Variants in PARD3B observed in about 807,000 individuals in gnomAD.
PARD3B encodes the protein partitioning defective 3 homolog B.
In PARD3B, 103 loss-of-function variants were observed where a neutral mutation model predicts 130.2. The ratio of observed to expected loss-of-function variants is 0.79; its 90% CI spans 0.67 to 0.93. PARD3B has a LOEUF of 0.93. Among genes scored for constraint, PARD3B ranks in the 40% least tolerant of loss-of-function variants. The pLI, the probability that PARD3B is intolerant of heterozygous loss-of-function variation, is 0.00. For missense variants in PARD3B, 1,609 were observed against 1,499.2 expected, an observed-to-expected ratio of 1.07 and a Z score of -1.21; for synonymous variants, 583 against 553.2, an observed-to-expected ratio of 1.05 and a Z score of -0.76.
At chr2:204,859,169 T>C (rs1239774313) in intron 2 of PARD3B, among the ~76,000 whole-genome samples, 1 of 152,130 alleles carries the variant, frequency 6.6e-6, no homozygotes, top group Non-Finnish European at 1.5e-5. Flanking sequence ...TTTTTCTTTT[T>C]CTTGAAGTGA....
chr2:205,181,296 T>C (rs1378108781), intron 13 of PARD3B, among the ~76,000 whole-genome samples: 1 of 152,228 alleles, frequency 6.6e-6, no homozygotes, highest in Non-Finnish European at 1.5e-5. Flanking sequence ...CTCTATAGCA[T>C]GTAAAGCACT....
intron 1 of PARD3B, among the ~76,000 whole-genome samples, chr2:204,574,465 C>A (rs1282972515): frequency 2.6e-5 from 4 of 152,132 alleles, no homozygotes; most frequent in Non-Finnish European, 5.9e-5. Context: ...TACTTAACAT[C>A]TGTGAGAGGT....
At chr2:205,165,985 T>C (rs1003233816) in intron 11 of PARD3B, among the ~76,000 whole-genome samples, 1 of 152,118 alleles carries the variant, frequency 6.6e-6, no homozygotes, top group African/African-American at 2.4e-5. Context: ...CCCTGGCATA[T>C]TCAAGACAGC....
intron 18 of PARD3B, among the ~76,000 whole-genome samples, chr2:205,322,519 C>T (rs2042785592): frequency 6.6e-6 from 1 of 152,144 alleles, no homozygotes. Flanking sequence ...CAGTAGTATC[C>T]ATGTGTGTTC....
At chr2:205,499,861 C>T (rs1220381883) in intron 20 of PARD3B, 35 bp from the exon 21 acceptor site, 1 of 1,590,944 alleles carries the variant, frequency 6.3e-7, no homozygotes, top group Non-Finnish European at 8.6e-7. Flanking sequence ...ATGATGTACA[C>T]TGTGTGAATC....
At chr2:205,073,855 C>T (rs1281646036) in intron 4 of PARD3B, among the ~76,000 whole-genome samples, 1 of 152,030 alleles carries the variant, frequency 6.6e-6, no homozygotes, top group African/African-American at 2.4e-5. Context: ...AACAATGATC[C>T]CCAGTGTTTT....
chr2:204,613,987 T>C (rs1373454035), intron 1 of PARD3B, among the ~76,000 whole-genome samples: 1 of 152,146 alleles, frequency 6.6e-6, no homozygotes, highest in East Asian at 1.9e-4. Context: ...GTGGTGGTTT[T>C]CCCTGTGAGG....
chr2:205,226,349 T>C (rs2125884226), intron 15 of PARD3B, among the ~76,000 whole-genome samples: 1 of 152,328 alleles, frequency 6.6e-6, no homozygotes, highest in African/African-American at 2.4e-5. Flanking sequence ...CAAAAAAGCT[T>C]TTTAATTTGA....
chr2:205,444,279 G>C (rs79842583), intron 20 of PARD3B, among the ~76,000 whole-genome samples: 2 of 152,044 alleles, frequency 1.3e-5, no homozygotes, highest in African/African-American at 4.8e-5. Flanking sequence ...CACCATACCC[G>C]GCCTCTACAA....
intron 22 of PARD3B, among the ~76,000 whole-genome samples, chr2:205,604,307 A>G (rs535368276): frequency 6.6e-6 from 1 of 152,312 alleles, no homozygotes; most frequent in South Asian, 2.1e-4. Context: ...GGGAAGCCTC[A>G]CAATCGTGGT....
At chr2:205,313,964 A>G (rs1362565017) in intron 18 of PARD3B, among the ~76,000 whole-genome samples, 2 of 152,230 alleles carry the variant, frequency 1.3e-5, no homozygotes, top group East Asian at 3.8e-4. Context: ...TTGCATACTC[A>G]TATTAAATAA....
chr2:204,657,061 T>A lies in PARD3B; in HGVS notation c.121-29120T>A, dbSNP rs139756407. Among the ~76,000 whole-genome samples, 433 of 152,304 alleles carry A rather than the reference T, an allele frequency of 2.8e-3. 10 individuals are homozygous for A. The highest frequency in any genetic ancestry group is 6.3e-4 in the Non-Finnish European group (43 of 68,024). ...TGGGGACCTGGGTCAAGTGATTGTA[T>A]TAGACTTTGAAGAGTTCTAGGCCAT... On this transcript the variant is annotated intron_variant, in intron 1 of 22. Coordinates refer to ENST00000406610, the MANE Select transcript of PARD3B (RefSeq NM_001302769.2).
intron 2 of PARD3B, among the ~76,000 whole-genome samples, chr2:204,876,444 G>A (rs901807748): frequency 3.9e-5 from 6 of 152,118 alleles, no homozygotes; most frequent in African/African-American, 7.2e-5. Flanking sequence ...CAAAACTGTC[G>A]TTGGATTGAG....
At chr2:205,298,607 A>C (rs1013891611) in intron 16 of PARD3B, among the ~76,000 whole-genome samples, 6 of 152,278 alleles carry the variant, frequency 3.9e-5, no homozygotes, top group African/African-American at 1.4e-4. Context: ...AGGGTTTATA[A>C]AATCTAGTGT....
intron 1 of PARD3B, among the ~76,000 whole-genome samples, chr2:204,630,890 A>C (rs2034655491): frequency 6.6e-6 from 1 of 151,784 alleles, no homozygotes; most frequent in South Asian, 2.1e-4. Flanking sequence ...CTATTTTATT[A>C]ATTTTTTCAA....
Position 205,309,128 on chromosome 2 carries a change from G to C in PARD3B, c.2630+7427G>C, listed in dbSNP as rs144373809. ...TATTTTTAAACCAACTCCACATAGA[G>C]CTATAACAAAAAACTAACCCAAACT... On this transcript the variant is annotated intron_variant, in intron 18 of 22. Transcript: ENST00000406610. The surrounding 1 kb of genome is among the most constrained non-coding windows in gnomAD (Gnocchi z 4.7). 6.6e-6 allele frequency among the ~76,000 whole-genome samples: 1 copy of C among 152,136 alleles called. No individual in the cohort carries two copies. The highest frequency in any genetic ancestry group is 1.9e-4 in the East Asian group (1 of 5,190).
intron 2 of PARD3B, among the ~76,000 whole-genome samples, chr2:204,859,955 G>A (rs1198740599): frequency 6.6e-6 from 1 of 152,132 alleles, no homozygotes; most frequent in South Asian, 2.1e-4. Context: ...ATGAAGAATA[G>A]TGCAGTGCAG....
intron 3 of PARD3B, among the ~76,000 whole-genome samples, chr2:204,972,217 C>T (rs1398731403): frequency 2.0e-5 from 3 of 152,114 alleles, no homozygotes; most frequent in Non-Finnish European, 4.4e-5. Flanking sequence ...ATATGCCTGG[C>T]ATTACCTCCT....
At chr2:205,489,081 A>G (rs367566301) in intron 20 of PARD3B, among the ~76,000 whole-genome samples, 1 of 152,184 alleles carries the variant, frequency 6.6e-6, no homozygotes, top group East Asian at 1.9e-4. Flanking sequence ...AAAGAAAGGG[A>G]TAATATTGCT....
Sources: gnomAD v4.1 joint callset for allele counts (sites outside exome capture counted in the v4.1 genomes callset) on GRCh38, gnomAD v4.1.1 for gene constraint, Gnocchi (gnomAD v3.1) non-coding constraint, MANE v1.5 for transcripts, NCBI Gene and HGNC (gene_info 2026-07-23, HGNC 2026-07-21) for gene names.